Variants in CACNA2D3 observed in about 807,000 individuals in gnomAD.
CACNA2D3 encodes the protein calcium voltage-gated channel auxiliary subunit alpha2delta 3.
In CACNA2D3, 60 loss-of-function variants were observed where a neutral mutation model predicts 160.6. The observed-to-expected ratio is 0.37, with a 90% CI of 0.30 to 0.46. The LOEUF (loss-of-function observed/expected upper bound fraction) is 0.46. Ranked by LOEUF, CACNA2D3 falls within the 20% of genes least tolerant of loss-of-function variation. The probability of loss-of-function intolerance (pLI) is 1.00; values close to 1 mark genes in which losing one functional copy is unlikely to be tolerated. For synonymous variants in CACNA2D3, 558 were observed against 492.9 expected, an observed-to-expected ratio of 1.13 and a Z score of -1.75; for missense variants, 1,205 against 1,365.0, an observed-to-expected ratio of 0.88 and a Z score of 1.85.
chr3:54,667,215 C>A (rs1700083280), intron 11 of CACNA2D3, among the ~76,000 whole-genome samples: 1 of 147,354 alleles, frequency 6.8e-6, no homozygotes, highest in Admixed American at 6.7e-5. Context: ...TAAAAAGGAC[C>A]CTACCTTGAA....
chr3:54,519,340 A>G (rs112395570), intron 5 of CACNA2D3, among the ~76,000 whole-genome samples: 15 of 152,318 alleles, frequency 9.8e-5, no homozygotes, highest in African/African-American at 3.6e-4. Flanking sequence ...GTAGGCCCGA[A>G]CTGCCTTCCA....
At chr3:54,180,655 CT>C (rs1700766687) in intron 2 of CACNA2D3, among the ~76,000 whole-genome samples, 1 of 152,180 alleles carries the variant, frequency 6.6e-6, no homozygotes, top group Non-Finnish European at 1.5e-5. Context: ...TAGTTTCTGT[CT>C]TGTCTTCCTT....
At chr3:55,033,711 A>G (rs1390250916) in intron 35 of CACNA2D3, among the ~76,000 whole-genome samples, 1 of 126,846 alleles carries the variant, frequency 7.9e-6, no homozygotes, top group African/African-American at 3.1e-5. Context: ...TATATATAAT[A>G]TATATTATAT....
At chr3:54,364,958 T>C (rs1698804865) in intron 3 of CACNA2D3, among the ~76,000 whole-genome samples, 2 of 152,238 alleles carry the variant, frequency 1.3e-5, no homozygotes, top group Admixed American at 6.5e-5. Context: ...ATTCTCATTA[T>C]TTTCCATGGT....
intron 4 of CACNA2D3, among the ~76,000 whole-genome samples, chr3:54,437,621 G>T (rs1296492038): frequency 1.3e-5 from 2 of 152,190 alleles, no homozygotes; most frequent in Non-Finnish European, 2.9e-5. Context: ...AGACCTCAAG[G>T]ATGTTCAAGA....
intron 4 of CACNA2D3, among the ~76,000 whole-genome samples, chr3:54,477,742 G>A (rs889606547): frequency 5.9e-5 from 9 of 152,088 alleles, no homozygotes; most frequent in African/African-American, 1.7e-4. Context: ...TCTTCACACG[G>A]AGATCAGATT....
chr3:54,759,306 A>T (rs187411863), intron 12 of CACNA2D3, among the ~76,000 whole-genome samples: 1 of 152,298 alleles, frequency 6.6e-6, no homozygotes, highest in Non-Finnish European at 1.5e-5. Flanking sequence ...AACATTCAAG[A>T]CCTAGAATTT....
chr3:54,820,492 C>G (rs62254514), intron 14 of CACNA2D3, among the ~76,000 whole-genome samples: 5,450 of 152,240 alleles, frequency 0.036, 118 homozygotes, highest in Middle Eastern at 0.061. Flanking sequence ...TTCCTAGACT[C>G]TATAAATTTC....
At chr3:54,589,322 CAAA>C (rs1198393076) in intron 9 of CACNA2D3, among the ~76,000 whole-genome samples, 1 of 151,884 alleles carries the variant, frequency 6.6e-6, no homozygotes, top group African/African-American at 2.4e-5. Flanking sequence ...CATTCACAGA[CAAA>C]AACAAACAAA....
At chr3:54,208,575 A>G (rs1316811813) in intron 2 of CACNA2D3, among the ~76,000 whole-genome samples, 1 of 152,132 alleles carries the variant, frequency 6.6e-6, no homozygotes, top group Non-Finnish European at 1.5e-5. Flanking sequence ...AGGGAGGCCT[A>G]GTCCCTGTGT....
At chr3:54,769,592 C>T (rs983890309) in intron 13 of CACNA2D3, among the ~76,000 whole-genome samples, 2 of 152,110 alleles carry the variant, frequency 1.3e-5, no homozygotes, top group African/African-American at 4.8e-5. Context: ...TACGACCTGC[C>T]TTCCAGGGTT....
At chr3:54,620,968 C>T (rs990725869) in intron 9 of CACNA2D3, among the ~76,000 whole-genome samples, 5 of 152,204 alleles carry the variant, frequency 3.3e-5, no homozygotes, top group South Asian at 2.1e-4. Context: ...GGCTTGGTGA[C>T]GTGACTTCTG....
intron 35 of CACNA2D3, among the ~76,000 whole-genome samples, chr3:55,055,662 A>G (rs1704342748): frequency 6.6e-6 from 1 of 151,996 alleles, no homozygotes; most frequent in African/African-American, 2.4e-5. Flanking sequence ...AGCAATATTG[A>G]TTTTTCCAAT....
At chr3:54,780,027 A>C (rs1422389446) in intron 13 of CACNA2D3, among the ~76,000 whole-genome samples, 2 of 152,214 alleles carry the variant, frequency 1.3e-5, no homozygotes, top group East Asian at 3.9e-4. Flanking sequence ...GTCTCTGTTT[A>C]CTGTGCACTA....
At chr3:54,699,238 C>T (rs976824631) in intron 11 of CACNA2D3, among the ~76,000 whole-genome samples, 2 of 152,070 alleles carry the variant, frequency 1.3e-5, no homozygotes, top group Admixed American at 1.3e-4. Flanking sequence ...CTTGGGAGAC[C>T]TAGCAGGCAA....
At chr3:54,243,686 C>T (rs747781660) in intron 2 of CACNA2D3, among the ~76,000 whole-genome samples, 6 of 152,194 alleles carry the variant, frequency 3.9e-5, no homozygotes, top group Non-Finnish European at 8.8e-5. Context: ...ATACATACAG[C>T]GTCCTGGAGG....
chr3:54,780,038 C>T (rs1702502845), intron 13 of CACNA2D3, among the ~76,000 whole-genome samples: 1 of 152,150 alleles, frequency 6.6e-6, no homozygotes, highest in South Asian at 2.1e-4. Context: ...CTGTGCACTA[C>T]AGTTTGTTTG....
chr3:54,535,970 G>T (rs1701882848), intron 5 of CACNA2D3, among the ~76,000 whole-genome samples: 1 of 152,208 alleles, frequency 6.6e-6, no homozygotes, highest in Admixed American at 6.6e-5. Context: ...AAGGTTATCT[G>T]TTGGAAAATT....
intron 11 of CACNA2D3, among the ~76,000 whole-genome samples, chr3:54,723,783 C>T (rs977065934): frequency 6.6e-6 from 1 of 152,214 alleles, no homozygotes; most frequent in Non-Finnish European, 1.5e-5. Flanking sequence ...CACCCACCTT[C>T]TGCGTTGATC....
Sources: allele counts gnomAD v4.1 joint callset (sites outside exome capture counted in the v4.1 genomes callset), GRCh38; gene constraint gnomAD v4.1.1; transcripts MANE v1.5; gene names NCBI Gene and HGNC (gene_info 2026-07-23, HGNC 2026-07-21).